Variants in PFDN6 observed in about 807,000 individuals in gnomAD.
The protein encoded by PFDN6 is HLA class II region expressed gene KE2.
Under a neutral mutation model 19.3 loss-of-function variants are expected in PFDN6, and 5 were observed. That is an observed-to-expected ratio of 0.26 (90% CI 0.14 to 0.55). The LOEUF (loss-of-function observed/expected upper bound fraction) is 0.55, where lower values mean the gene tolerates loss of function less well. Among genes scored for constraint, PFDN6 ranks in the 20% least tolerant of loss-of-function variants. The pLI, the probability that PFDN6 is intolerant of heterozygous loss-of-function variation, is 0.94. For missense variants in PFDN6, 101 were observed against 149.4 expected (o/e 0.68, Z 1.69); for synonymous variants, 51 against 63.4 (o/e 0.80, Z 0.93).
rs1178683528 is a variant in PFDN6 at position 33,290,328 on chromosome 6, A to G, written c.138A>G (p.Glu46=). The G allele has an allele frequency of 1.2e-6, 2 of 1,609,894 alleles. No individual in the cohort carries two copies. The highest frequency in any genetic ancestry group is 4.5e-5 in the East Asian group (2 of 44,756). Residue 46 remains glutamate (E), a splice_region_variant and synonymous_variant, in exon 3 of 4, where the codon GAA becomes GAG. Transcript: ENST00000374606. ...QLTENNIVKE[E]LALLDGSNVV... Reference sequence around the variant, plus strand: ...CATATGTCCCATCCCTCCATCAGGAACTGGCCCTGCTGGATGGGTCCAACG... The same window carrying G: ...CATATGTCCCATCCCTCCATCAGGAGCTGGCCCTGCTGGATGGGTCCAACG...
chr6:33,290,484 C>T (rs1173013220), intron 3 of PFDN6, 34 bp downstream of exon 3: 1 of 1,529,066 alleles, frequency 6.5e-7, no homozygotes, highest in Non-Finnish European at 8.8e-7. Flanking sequence ...GTGCTGCACC[C>T]TGTGATGCAA....
intron 3 of PFDN6, 89 bp downstream of exon 3, chr6:33,290,539 T>G: frequency 6.7e-7 from 1 of 1,499,762 alleles, no homozygotes; most frequent in African/African-American, 1.4e-5. Context: ...AGAACAGCTC[T>G]CCATAGTGGC....
rs1280650347 is a variant in PFDN6, at chr6:33,289,837, A to G, written c.-20A>G. On this transcript the variant is annotated 5_prime_UTR_variant, in exon 1 of 4. Transcript: ENST00000374606. ...GACCCAGCGCCCTTGTCTCGCACCC[A>G]GTAGGCTTTCATCCCCGCCATGGCG... is the stretch of plus-strand genomic sequence containing the variant. 2 of 1,579,626 alleles carry G rather than the reference A, an allele frequency of 1.3e-6. No individual in the cohort carries two copies. The highest frequency in any genetic ancestry group is 1.4e-5 in the African/African-American group (1 of 73,416).
chr6:33,290,731 C>T lies in PFDN6; in HGVS notation c.276C>T (p.Ser92=). The change falls in exon 4 of 4, where the codon TCC becomes TCT. Residue 92 remains serine, a synonymous_variant. Transcript: ENST00000374606. ...CTCTCCTTAGTAAGCGATACGAATCCCAGCTTCGGGATCTTGAGCGGCAGT... is the reference window on the plus strand; with the variant it reads ...CTCTCCTTAGTAAGCGATACGAATCTCAGCTTCGGGATCTTGAGCGGCAGT... ...YITAEIKRYE[S]QLRDLERQSE... 2 of 1,613,182 alleles carry T rather than the reference C, an allele frequency of 1.2e-6. No individual in the cohort carries two copies. Among genetic ancestry groups the T allele is most frequent in the South Asian group, 1.1e-5 (1 of 91,082 alleles).
Position 33,290,850 on chromosome 6 carries a change from A to G in PFDN6, c.*5A>G. The G allele has an allele frequency of 8.0e-7, 1 of 1,244,548 alleles. No homozygotes were observed. Among genetic ancestry groups the G allele is most frequent in the Non-Finnish European group, 1.1e-6 (1 of 900,712 alleles). 77.1% of individuals were successfully genotyped at this position (1,244,548 alleles called of 1,614,324 possible). ...GGGGCTCCTGGCAAGGCCTGACCCC[A>G]TGGTGGGGGGAGGGGAGGGGAGGGG... is the stretch of plus-strand genomic sequence containing the variant. On this transcript the variant is annotated 3_prime_UTR_variant, in exon 4 of 4. Coordinates refer to ENST00000374606, the MANE Select transcript of PFDN6 (RefSeq NM_001185181.3).
chr6:33,290,047 C>A, intron 1 of PFDN6, 127 bp downstream of exon 1: 1 of 1,294,786 alleles, frequency 7.7e-7, no homozygotes. Context: ...TCTCAGTACT[C>A]TTCCCTGTTC....
chr6:33,289,641 G>A lies in PFDN6; in HGVS notation c.-216G>A, dbSNP rs1189520154. Reference sequence around the variant, plus strand: ...AGAACGTGAGTAGGTTAGGATTTCGGTTGAGAGGCTTGGGGTCTTGCGTTT... The same window carrying A: ...AGAACGTGAGTAGGTTAGGATTTCGATTGAGAGGCTTGGGGTCTTGCGTTT... On this transcript the variant is annotated 5_prime_UTR_variant, in exon 1 of 4. Transcript: ENST00000374606. 5.3e-6 allele frequency: 3 copies of A among 562,076 alleles called. No homozygotes were observed. In the East Asian group the frequency reaches 9.8e-5, roughly 18 times the overall value. 34.8% of individuals were successfully genotyped at this position (562,076 alleles called of 1,614,324 possible). A position where few individuals can be genotyped will look rare whatever the true frequency, so the allele number is the denominator to read the frequency against.
chr6:33,289,215 T>G (rs529585564), upstream of PFDN6: 37 of 1,584,640 alleles, frequency 2.3e-5, no homozygotes, highest in Middle Eastern at 1.8e-4. Flanking sequence ...TCCTCTCAGC[T>G]GCCACACAGT....
chr6:33,290,503 T>C (rs1581699501), intron 3 of PFDN6, 53 bp downstream of exon 3: 2 of 1,525,128 alleles, frequency 1.3e-6, no homozygotes, highest in East Asian at 4.5e-5. Context: ...AAGTGAACCA[T>C]TGGAGTAGAG....
At chr6:33,290,514 G>A in intron 3 of PFDN6, 64 bp downstream of exon 3, 1 of 1,520,654 alleles carries the variant, frequency 6.6e-7, no homozygotes, top group South Asian at 1.3e-5. Flanking sequence ...TGGAGTAGAG[G>A]TGTTGAACCA....
intron 1 of PFDN6, 49 bp from the exon 2 acceptor site, chr6:33,290,125 A>T (rs768043513): frequency 1.9e-6 from 3 of 1,577,848 alleles, no homozygotes; most frequent in African/African-American, 2.7e-5. Flanking sequence ...GATTGTGGGG[A>T]TAGGTGGCAC....
chr6:33,289,240 C>T, upstream of PFDN6: 1 of 1,562,332 alleles, frequency 6.4e-7, no homozygotes, highest in African/African-American at 1.4e-5. Flanking sequence ...TTGAAAACTC[C>T]CGGAAGCCCT....
At position 33,289,749 on chromosome 6, in the gene PFDN6, A is replaced by G. The variant is rs1767128112; in HGVS notation, c.-108A>G. 1 of 897,570 alleles carries G rather than the reference A, an allele frequency of 1.1e-6. No individual in the cohort carries two copies. The highest frequency in any genetic ancestry group is 2.0e-5 in the South Asian group (1 of 51,264). 55.6% of individuals were successfully genotyped at this position (897,570 alleles called of 1,614,324 possible). A position where few individuals can be genotyped will look rare whatever the true frequency, so the allele number is the denominator to read the frequency against. ...CGGTGCCCCTCAGGGCTACCTCTCA[A>G]GAGTGCTATCATTTCCGCAGGCCAG... is the stretch of plus-strand genomic sequence containing the variant. On this transcript the variant is annotated 5_prime_UTR_variant, in exon 1 of 4. Transcript: ENST00000374606.
Position 33,290,439 on chromosome 6 carries a change from C to T in PFDN6, c.249C>T (p.Ile83=). ...RATVGKRLDY[I]TAEIKRYESQ... The stretch of plus-strand genomic sequence containing the variant: ...CAGTAGGGAAGAGGCTGGACTATAT[C>T]ACAGCTGAAATGTGAGTTTTTATTC... Residue 83 remains isoleucine (I), a synonymous_variant, in exon 3 of 4, where the codon ATC becomes ATT. Transcript: ENST00000374606. The T allele has an allele frequency of 3.2e-6, 5 of 1,559,236 alleles. No individual in the cohort carries two copies. The highest frequency in any genetic ancestry group is 4.3e-6 in the Non-Finnish European group (5 of 1,154,120).
chr6:33,290,317 C>CATGG lies in PFDN6; in HGVS notation c.136-9_136-8insATGG. 1 of 1,610,250 alleles carries CATGG rather than the reference C, an allele frequency of 6.2e-7. No individual in the cohort carries two copies. The highest frequency in any genetic ancestry group is 8.5e-7 in the Non-Finnish European group (1 of 1,176,996). On this transcript the variant is annotated splice_polypyrimidine_tract_variant and intron_variant, in intron 2 of 3. Coordinates refer to ENST00000374606, the MANE Select transcript of PFDN6 (RefSeq NM_001185181.3). ...GGTTCTGATCACATATGTCCCATCCCTCCATCAGGAACTGGCCCTGCTGGA... is the reference window on the plus strand; with the variant it reads ...GGTTCTGATCACATATGTCCCATCCCATGGTCCATCAGGAACTGGCCCTGCTGGA...
chr6:33,290,557 C>A, intron 3 of PFDN6, 107 bp downstream of exon 3: 1 of 1,462,746 alleles, frequency 6.8e-7, no homozygotes, highest in Non-Finnish European at 9.3e-7. Context: ...GGCCCCTAGT[C>A]CTCCAGTTCC....
upstream of PFDN6, chr6:33,289,283 A>G (rs111374856): frequency 1.3e-5 from 20 of 1,500,440 alleles, no homozygotes; most frequent in Non-Finnish European, 1.7e-5. Flanking sequence ...CGTACCAGGT[A>G]TGAAGCTCTC....
At position 33,290,770 on chromosome 6, in the gene PFDN6, G is replaced by A. The variant is rs765125831; in HGVS notation, c.315G>A (p.Arg105=). 6.2e-6 allele frequency: 10 copies of A among 1,610,582 alleles called. No homozygotes were observed. Among genetic ancestry groups the A allele is most frequent in the Non-Finnish European group, 8.5e-7 (1 of 1,179,950 alleles). The change falls in exon 4 of 4, where the codon AGG becomes AGA. Residue 105 remains arginine, a synonymous_variant. Coordinates refer to ENST00000374606, the MANE Select transcript of PFDN6 (RefSeq NM_001185181.3). ...TTGAGCGGCAGTCAGAGCAACAGAG[G>A]GAGACCCTTGCTCAGCTGCAGCAGG... The part of the protein sequence containing the change: ...RDLERQSEQQ[R]ETLAQLQQEF...
At chr6:33,290,609 C>T in intron 3 of PFDN6, 107 bp from the exon 4 acceptor site, 1 of 1,496,916 alleles carries the variant, frequency 6.7e-7, no homozygotes, top group Non-Finnish European at 9.1e-7. Context: ...TCTTCTCCCT[C>T]CCCTGGATCT....
Sources: gnomAD v4.1 joint callset for allele counts on GRCh38, gnomAD v4.1.1 for gene constraint, MANE v1.5 for transcripts, NCBI Gene and HGNC (gene_info 2026-07-23, HGNC 2026-07-21) for gene names.